Variants in AP3B2 observed in about 807,000 individuals in gnomAD.
AP3B2 encodes adaptor related protein complex 3 subunit beta 2.
AP3B2 carries 50 observed loss-of-function variants against 126.9 expected under a neutral mutation model. That is an observed-to-expected ratio of 0.39 (90% CI 0.31 to 0.50). AP3B2 has a LOEUF of 0.50. Among genes scored for constraint, AP3B2 ranks in the 20% least tolerant of loss-of-function variants. The pLI is 0.79. For missense variants in AP3B2, 1,177 were observed against 1,426.4 expected, an observed-to-expected ratio of 0.83 and a Z score of 2.82; for synonymous variants, 541 against 565.0, an observed-to-expected ratio of 0.96 and a Z score of 0.60.
Position 82,663,796 on chromosome 15 carries a change from C to T in AP3B2, c.2436+5G>A. 2 of 1,611,548 alleles carry T rather than the reference C, an allele frequency of 1.2e-6. No individual in the cohort carries two copies. The highest frequency in any genetic ancestry group is 1.7e-6 in the Non-Finnish European group (2 of 1,178,452). ...CACACCCTGACTCTGCCCCAAGGCT[C>T]TCACTGTTTTCCTGCTCCAGGAGGC... On this transcript the variant is annotated splice_donor_5th_base_variant and intron_variant, in intron 20 of 26. Coordinates refer to ENST00000535359, the MANE Select transcript of AP3B2 (RefSeq NM_001278512.2).
rs764469534 is a variant in AP3B2 at position 82,664,459 on chromosome 15, C to T, written c.2169G>A (p.Lys723=). 54 of 1,613,756 alleles carry T rather than the reference C, an allele frequency of 3.3e-5. No homozygotes were observed. Among genetic ancestry groups the T allele is most frequent in the Non-Finnish European group, 4.4e-5 (52 of 1,179,854 alleles). The change falls in exon 19 of 27, where the codon AAG becomes AAA. Residue 723 remains lysine (K), a synonymous_variant. Transcript: ENST00000535359. This position sits in a 1 kb window ranked among gnomAD's most constrained non-coding sequence, Gnocchi z 4.5. ...DPESESESDS[K]SSSESGSGES... is the part of the protein sequence containing the mutation. ...CCCCAGAGCCGCTCTCACTGCTGCTCTTACTGTCCGATTCACTCTCAGACT... is the reference window on the plus strand; with the variant it reads ...CCCCAGAGCCGCTCTCACTGCTGCTTTTACTGTCCGATTCACTCTCAGACT...
chr15:82,669,777 A>G (rs1320105872), intron 14 of AP3B2, among the ~76,000 whole-genome samples: 3 of 151,700 alleles, frequency 2.0e-5, no homozygotes, highest in Non-Finnish European at 2.9e-5. Flanking sequence ...CGAGGCAGGC[A>G]GAATACCTGA....
Position 82,689,213 on chromosome 15 carries a change from T to C in AP3B2, c.209A>G (p.Asn70Ser), listed in dbSNP as rs2048481916. 1 of 1,613,870 alleles carries C rather than the reference T, an allele frequency of 6.2e-7. No individual in the cohort carries two copies. Among genetic ancestry groups the C allele is most frequent in the Non-Finnish European group, 8.5e-7 (1 of 1,179,876 alleles). ...CACCGCGGGAAACAGGTCTGAAGCATTCTTTCCTCGGGCAATCATCTGGGT... is the reference window on the plus strand; with the variant it reads ...CACCGCGGGAAACAGGTCTGAAGCACTCTTTCCTCGGGCAATCATCTGGGT... ...RIVAMIARGK[N>S]ASDLFPAVVK... is the part of the protein sequence containing the mutation. The change falls in exon 3 of 27, where the codon AAT becomes AGT. Residue 70 changes from asparagine (N) to serine (S), a missense_variant. Transcript: ENST00000535359.
At chr15:82,670,116 G>T (rs574360892) in intron 14 of AP3B2, among the ~76,000 whole-genome samples, 2 of 123,490 alleles carry the variant, frequency 1.6e-5, no homozygotes, top group South Asian at 2.7e-4. Flanking sequence ...TTTTTTTGGC[G>T]GGGGGGGACG....
chr15:82,689,271 C>G (rs1194403864), intron 2 of AP3B2, 39 bp from the exon 3 acceptor site: 1 of 1,612,778 alleles, frequency 6.2e-7, no homozygotes, highest in Non-Finnish European at 8.5e-7. Flanking sequence ...AGGGACAAAG[C>G]GAGAGGCACA....
chr15:82,679,298 A>G (rs2048291848), intron 10 of AP3B2, among the ~76,000 whole-genome samples: 1 of 151,532 alleles, frequency 6.6e-6, no homozygotes, highest in Admixed American at 6.6e-5. Flanking sequence ...TAATTTTTGT[A>G]TTTTTCGTTG....
intron 23 of AP3B2, 80 bp downstream of exon 23, chr15:82,662,614 C>G: frequency 7.3e-7 from 1 of 1,374,070 alleles, no homozygotes; most frequent in East Asian, 2.5e-5. Flanking sequence ...TGGCCTGGCA[C>G]AAGGAGGGTA....
intron 21 of AP3B2, 154 bp from the exon 22 acceptor site, chr15:82,663,387 A>G (rs2047991416): frequency 1.0e-6 from 1 of 984,694 alleles, no homozygotes; most frequent in Non-Finnish European, 1.6e-6. Flanking sequence ...CCTAGACCTC[A>G]ACCCCAGACC....
chr15:82,680,690 G>A lies in AP3B2; in HGVS notation c.837C>T (p.Gly279=), dbSNP rs889884482. The A allele has an allele frequency of 1.3e-6, 2 of 1,571,574 alleles. No homozygotes were observed. Among genetic ancestry groups the A allele is most frequent in the Non-Finnish European group, 1.7e-6 (2 of 1,163,032 alleles). ...CGGCGGCCGTCTCCTCAGACCCCGC[G>A]CCCTTGGCCTCGTCCTCCTCTGAGC... is the stretch of plus-strand genomic sequence containing the variant. ...FYGSEEDEAK[G]AGSEETAAAA... Residue 279 remains glycine, a synonymous_variant, in exon 8 of 27, where the codon GGC becomes GGT. Transcript: ENST00000535359. This position sits in a 1 kb window ranked among gnomAD's most constrained non-coding sequence, Gnocchi z 6.1.
chr15:82,699,997 C>T, intron 1 of AP3B2: 1 of 397,910 alleles, frequency 2.5e-6, no homozygotes, highest in Non-Finnish European at 4.4e-6. Flanking sequence ...GCTCCGGTTT[C>T]CTCTTCACTG....
rs77082021 is a variant in AP3B2, at chr15:82,659,334, G to A, written c.*226C>T. 4.7e-3 allele frequency: 2,366 copies of A among 504,582 alleles called. 42 individuals carry two copies. Among genetic ancestry groups the A allele is most frequent in the African/African-American group, 0.039 (2,055 of 52,564 alleles). 31.3% of individuals were successfully genotyped at this position (504,582 alleles called of 1,614,324 possible). A position where few individuals can be genotyped will look rare whatever the true frequency, so the allele number is the denominator to read the frequency against. ...TACATAAATAGCTACAGAAATCTGG[G>A]AGGACTGAAGGGAGTGGCTGCCATC... On this transcript the variant is annotated 3_prime_UTR_variant, in exon 27 of 27. Transcript: ENST00000535359.
chr15:82,696,311 C>G (rs1358233255), intron 1 of AP3B2, among the ~76,000 whole-genome samples: 2 of 152,160 alleles, frequency 1.3e-5, no homozygotes, highest in African/African-American at 4.8e-5. Flanking sequence ...GGTGTGGTGG[C>G]TCACGCTTGT....
At chr15:82,687,570 C>T (rs890037817) in intron 4 of AP3B2, 3 of 152,184 alleles carry the variant, frequency 2.0e-5, no homozygotes, top group Admixed American at 1.3e-4. Context: ...AAATCTAGCA[C>T]AATGTGTGGC....
At chr15:82,674,310 C>G (rs1025749854) in intron 14 of AP3B2, among the ~76,000 whole-genome samples, 2 of 152,316 alleles carry the variant, frequency 1.3e-5, no homozygotes, top group East Asian at 1.9e-4. Context: ...ACTCCCCCTT[C>G]TTTACCACTC....
rs750648701 is a variant in AP3B2 at position 82,665,314 on chromosome 15, G to A, written c.1972-11C>T. 14 of 1,575,240 alleles carry A rather than the reference G, an allele frequency of 8.9e-6. No individual in the cohort carries two copies. In the East Asian group the frequency reaches 1.9e-4, roughly 21 times the overall value. ...GGAGAGATCTTCTTCCTGTGTGTGTGGGGGAGGGTGTTAGGAGGGCTGGGC... is the reference window on the plus strand; with the variant it reads ...GGAGAGATCTTCTTCCTGTGTGTGTAGGGGAGGGTGTTAGGAGGGCTGGGC... On this transcript the variant is annotated splice_polypyrimidine_tract_variant and intron_variant, in intron 16 of 26. Coordinates refer to ENST00000535359, the MANE Select transcript of AP3B2 (RefSeq NM_001278512.2). This position sits in a 1 kb window ranked among gnomAD's most constrained non-coding sequence, Gnocchi z 4.4.
intron 10 of AP3B2, 49 bp from the exon 11 acceptor site, chr15:82,678,216 C>G (rs747098608): frequency 6.5e-7 from 1 of 1,537,776 alleles, no homozygotes; most frequent in African/African-American, 1.4e-5. Context: ...GGCCAGTGGA[C>G]TTTCTGTGCT....
Position 82,680,752 on chromosome 15 carries a change from A to G in AP3B2, c.775T>C (p.Ser259Pro), listed in dbSNP as rs1041051349. 2.7e-5 allele frequency: 43 copies of G among 1,587,980 alleles called. No homozygotes were observed. Among genetic ancestry groups the G allele is most frequent in the Non-Finnish European group, 3.2e-5 (37 of 1,169,240 alleles). Residue 259 changes from serine (S) to proline (P), a missense_variant, in exon 8 of 27, where the codon TCC (serine) becomes CCC (proline). By Grantham distance (74) the Ser-to-Pro change is moderately conservative (BLOSUM62 -1). Around this residue, in one of 5 missense-constraint regions of AP3B2, gnomAD observed 103 missense variants for 101.4 expected, o/e 1.02. Transcript: ENST00000535359. This position sits in a 1 kb window ranked among gnomAD's most constrained non-coding sequence, Gnocchi z 6.1. ...TTTTCCGCGTTCTCCTCTAGTAGGG[A>G]TTCCTGGACGGGGAGACCGACGGGT... ...TQFLSPTQNE[S>P]LLEENAEKAF...
At chr15:82,709,506 TG>T in intron 1 of AP3B2, 87 bp downstream of exon 1, 1 of 937,122 alleles carries the variant, frequency 1.1e-6, no homozygotes, top group Non-Finnish European at 1.3e-6. Context: ...GGGCCGGCGC[TG>T]GGGCCGGGCG....
At chr15:82,694,192 T>C (rs1375982842) in intron 1 of AP3B2, among the ~76,000 whole-genome samples, 1 of 146,736 alleles carries the variant, frequency 6.8e-6, no homozygotes, top group African/African-American at 2.5e-5. Context: ...TTTAGTAGAG[T>C]TGGGGTTTCG....
Sources: gnomAD v4.1 joint callset for allele counts (sites outside exome capture counted in the v4.1 genomes callset) on GRCh38, gnomAD v4.1.1 for gene constraint, gnomAD v4.1.1 regional missense constraint, Gnocchi (gnomAD v3.1) non-coding constraint, MANE v1.5 for transcripts, NCBI Gene and HGNC (gene_info 2026-07-23, HGNC 2026-07-21) for gene names.